The following KRT72 variants were observed in gnomAD, a reference collection of about 807,000 sequenced individuals.
The protein encoded by KRT72 is keratin, type II cytoskeletal 72.
KRT72 carries 44 observed loss-of-function variants against 44.7 expected under a neutral mutation model. The ratio of observed to expected loss-of-function variants is 0.98; its 90% CI spans 0.77 to 1.27. KRT72 has a LOEUF of 1.27. KRT72 is among the 50% of genes most tolerant of loss of function. The pLI is 0.00. For missense variants in KRT72, 736 were observed against 667.1 expected (o/e 1.10, Z -1.14); for synonymous variants, 302 against 280.4 (o/e 1.08, Z -0.77).
At chr12:52,592,606 G>A (rs1940084850) in intron 3 of KRT72, 115 bp from the exon 4 acceptor site, 10 of 772,108 alleles carry the variant, frequency 1.3e-5, no homozygotes, top group Non-Finnish European at 1.9e-5. Flanking sequence ...TTCATGGGGG[G>A]CTCCCTGAGA....
Position 52,586,095 on chromosome 12 carries a change from A to G in KRT72, c.1423T>C (p.Tyr475His). ...TTGACGTCTGCAGCTGCAGTTTTGT[A>G]GCTATAACTGCTTGAGGCGCCAAAG... ...MGFGASSSYS[Y>H]KTAAADVKTK... The change falls in exon 9 of 9, where the codon TAC becomes CAC. Residue 475 changes from tyrosine to histidine, a missense_variant. Coordinates refer to ENST00000293745, the MANE Select transcript of KRT72 (RefSeq NM_080747.3). 1 of 1,614,134 alleles carries G rather than the reference A, an allele frequency of 6.2e-7. No individual in the cohort carries two copies. The highest frequency in any genetic ancestry group is 8.5e-7 in the Non-Finnish European group (1 of 1,179,992).
At chr12:52,590,441 C>T (rs1391789551) in intron 6 of KRT72, among the ~76,000 whole-genome samples, 1 of 152,220 alleles carries the variant, frequency 6.6e-6, no homozygotes, top group Admixed American at 6.5e-5. Flanking sequence ...TATTCCTACC[C>T]AGTGGTGTAC....
chr12:52,592,160 G>T (rs999681900), intron 4 of KRT72, among the ~76,000 whole-genome samples: 1 of 152,170 alleles, frequency 6.6e-6, no homozygotes, highest in Non-Finnish European at 1.5e-5. Flanking sequence ...CAGCTACGTG[G>T]TGTTTTCCTG....
chr12:52,600,038 C>A (rs1448669537), intron 1 of KRT72, among the ~76,000 whole-genome samples: 1 of 152,170 alleles, frequency 6.6e-6, no homozygotes, highest in Non-Finnish European at 1.5e-5. Context: ...GAAGTCCATT[C>A]CCTGTCTCCT....
At chr12:52,599,861 C>A (rs1940353545) in intron 1 of KRT72, among the ~76,000 whole-genome samples, 3 of 152,226 alleles carry the variant, frequency 2.0e-5, no homozygotes, top group Admixed American at 1.3e-4. Context: ...CATTTCTTAG[C>A]CTCCCATGTC....
upstream of KRT72, among the ~76,000 whole-genome samples, chr12:52,602,391 C>T (rs1474109897): frequency 1.3e-5 from 2 of 152,222 alleles, no homozygotes; most frequent in Non-Finnish European, 2.9e-5. Flanking sequence ...GAGGTCAAGA[C>T]TCTTCAGATC....
At chr12:52,602,135 C>A (rs917293925), upstream of KRT72, among the ~76,000 whole-genome samples, 1 of 152,126 alleles carries the variant, frequency 6.6e-6, no homozygotes, top group Non-Finnish European at 1.5e-5. Context: ...CTCCACTAAG[C>A]ATTTCTGGAC....
chr12:52,585,995 T>C lies in KRT72; in HGVS notation c.1523A>G (p.Lys508Arg), dbSNP rs1402056507. 2 of 1,612,044 alleles carry C rather than the reference T, an allele frequency of 1.2e-6. No individual in the cohort carries two copies. The highest frequency in any genetic ancestry group is 4.5e-5 in the East Asian group (2 of 44,810). The change falls in exon 9 of 9, where the codon AAG becomes AGG. Residue 508 changes from lysine (K) to arginine (R), a missense_variant. Physicochemically the swap from Lys to Arg is conservative, Grantham distance 26. Transcript: ENST00000293745. Reference sequence around the variant, plus strand: ...ACCACTTGTCCATCATCTGGAGGCCTTTTTGGTGGCACAGCTGCTCCCCGA... The same window carrying C: ...ACCACTTGTCCATCATCTGGAGGCCCTTTTGGTGGCACAGCTGCTCCCCGA... ...KTSGSSCATK[K>R]ASR
rs184630537 is a variant in KRT72, at chr12:52,587,811, C to T, written c.1130G>A (p.Arg377Gln). The change falls in exon 7 of 9, where the codon CGG becomes CAG. Residue 377 changes from arginine (R) to glutamine (Q), a missense_variant. By Grantham distance (43) the Arg-to-Gln change is conservative (BLOSUM62 1). Transcript: ENST00000293745. ...GGCATCTTTCAGGGCGCAGTCCCCC[C>T]GCTGTTCAGCGTCGGCGATGGCCGT... ...LETAIADAEQ[R>Q]GDCALKDARA... The T allele has an allele frequency of 5.5e-5, 88 of 1,614,168 alleles. No individual in the cohort carries two copies. The highest frequency in any genetic ancestry group is 2.0e-4 in the East Asian group (9 of 44,884).
intron 1 of KRT72, among the ~76,000 whole-genome samples, chr12:52,600,456 C>A (rs1251884849): frequency 6.6e-6 from 1 of 152,156 alleles, no homozygotes; most frequent in East Asian, 1.9e-4. Context: ...TGTCCCCACC[C>A]AAATCTCAAC....
chr12:52,601,812 C>T (rs539992800), upstream of KRT72, among the ~76,000 whole-genome samples: 2 of 152,310 alleles, frequency 1.3e-5, no homozygotes, highest in East Asian at 3.9e-4. Flanking sequence ...CTGGAAACTT[C>T]CAGTGGGGCT....
chr12:52,587,935 G>T, intron 6 of KRT72, 84 bp from the exon 7 acceptor site: 1 of 1,329,058 alleles, frequency 7.5e-7, no homozygotes. Context: ...GTTTTGTCCT[G>T]ACTGATGGCA....
Position 52,591,508 on chromosome 12 carries a change from C to A in KRT72, c.919G>T (p.Ala307Ser), listed in dbSNP as rs747007532. 1 of 1,613,956 alleles carries A rather than the reference C, an allele frequency of 6.2e-7. No homozygotes were observed. Among genetic ancestry groups the A allele is most frequent in the African/African-American group, 1.3e-5 (1 of 74,918 alleles). Residue 307 changes from alanine to serine, a missense_variant, in exon 5 of 9, where the codon GCC becomes TCC. Ala to Ser is a moderately conservative substitution (Grantham distance 99, BLOSUM62 1). Coordinates refer to ENST00000293745, the MANE Select transcript of KRT72 (RefSeq NM_080747.3). ...AEVRAQYEEI[A>S]LKSKAEAETL... ...TCAGCCTCGGCCTTGCTCTTTAGGGCAATCTCCTCGTACTGGGCACGGACC... is the reference window on the plus strand; with the variant it reads ...TCAGCCTCGGCCTTGCTCTTTAGGGAAATCTCCTCGTACTGGGCACGGACC...
intron 2 of KRT72, among the ~76,000 whole-genome samples, chr12:52,596,983 G>A (rs978106436): frequency 1.3e-5 from 2 of 152,172 alleles, no homozygotes; most frequent in Non-Finnish European, 2.9e-5. Context: ...AAGGATCAAG[G>A]TAAAAGTTAT....
Position 52,601,208 on chromosome 12 carries a change from G to C in KRT72, c.245C>G (p.Ala82Gly), listed in dbSNP as rs1940434751. Residue 82 changes from alanine (A) to glycine (G), a missense_variant, in exon 1 of 9, where the codon GCC becomes GGC. Coordinates refer to ENST00000293745, the MANE Select transcript of KRT72 (RefSeq NM_080747.3). ...GGFVGTAFGSAGLGPKCPSVC... is the reference protein window; with the variant it reads ...GGFVGTAFGSGGLGPKCPSVC... ...GGAGGGACACTTGGGCCCCAGCCCG[G>C]CGCTGCCGAAGGCGGTGCCCACGAA... The C allele has an allele frequency of 6.2e-7, 1 of 1,610,350 alleles. No homozygotes were observed. The highest frequency in any genetic ancestry group is 1.3e-5 in the African/African-American group (1 of 74,870).
At chr12:52,595,304 T>C (rs1206689359) in intron 2 of KRT72, among the ~76,000 whole-genome samples, 1 of 152,112 alleles carries the variant, frequency 6.6e-6, no homozygotes, top group East Asian at 1.9e-4. Context: ...GTTAAATCAT[T>C]AAAAAGTACA....
At chr12:52,597,220 G>A (rs1404866466) in intron 2 of KRT72, among the ~76,000 whole-genome samples, 2 of 152,216 alleles carry the variant, frequency 1.3e-5, no homozygotes, top group African/African-American at 2.4e-5. Flanking sequence ...TGTTTTAATT[G>A]TGAAGAGTTT....
At chr12:52,589,589 A>T (rs1047588750) in intron 6 of KRT72, among the ~76,000 whole-genome samples, 3 of 152,174 alleles carry the variant, frequency 2.0e-5, no homozygotes, top group South Asian at 2.1e-4. Flanking sequence ...CCTTTGAAAC[A>T]AATGTCACAT....
Position 52,586,977 on chromosome 12 carries a change from C to T in KRT72, c.1314G>A (p.Met438Ile), listed in dbSNP as rs753146414. ...RKLLESEECRMSGEYPNSVSI... is the reference protein window; with the variant it reads ...RKLLESEECRISGEYPNSVSI... ...TCACAGAATTTGGATATTCGCCAGA[C>T]ATCCTGAAGAAGGAGAAGAAAAACA... The change falls in exon 8 of 9, where the codon ATG becomes ATA. Residue 438 changes from methionine to isoleucine, a missense_variant. By Grantham distance (10) the Met-to-Ile change is conservative. Transcript: ENST00000293745. 1.1e-5 allele frequency: 18 copies of T among 1,613,740 alleles called. No individual in the cohort carries two copies. The East Asian group carries it at 2.2e-4, about 20-fold the overall frequency.
Sources: allele counts gnomAD v4.1 joint callset (sites outside exome capture counted in the v4.1 genomes callset), GRCh38; gene constraint gnomAD v4.1.1; transcripts MANE v1.5; gene names NCBI Gene and HGNC (gene_info 2026-07-23, HGNC 2026-07-21).